The following CNPY1 variants were observed in gnomAD, a reference collection of about 807,000 sequenced individuals.
CNPY1 encodes protein canopy homolog 1.
In CNPY1, 14 loss-of-function variants were observed where a neutral mutation model predicts 14.4. The observed-to-expected ratio is 0.97, with a 90% CI of 0.64 to 1.52. CNPY1 has a LOEUF of 1.52. Ranked by LOEUF, CNPY1 falls within the 40% of genes most tolerant of loss-of-function variation. CNPY1 has a pLI of 0.00. For missense variants in CNPY1, 129 were observed against 131.5 expected, an observed-to-expected ratio of 0.98 and a Z score of 0.09; for synonymous variants, 43 against 46.5, an observed-to-expected ratio of 0.92 and a Z score of 0.31.
At chr7:155,504,929 T>C (rs552833371) in intron 4 of CNPY1, among the ~76,000 whole-genome samples, 1 of 152,350 alleles carries the variant, frequency 6.6e-6, no homozygotes, top group African/African-American at 2.4e-5. Context: ...ACCCTTCAGT[T>C]GTCTGAAACC....
In CNPY1 at chr7:155,501,733, C is replaced by T. The variant is rs1266239610; in HGVS notation, c.*1335G>A. The T allele has an allele frequency of 6.6e-6, 1 of 152,080 alleles. No individual in the cohort carries two copies. The highest frequency in any genetic ancestry group is 2.4e-5 in the African/African-American group (1 of 41,386). 9.4% of individuals were successfully genotyped at this position (152,080 alleles called of 1,614,324 possible). Reference sequence around the variant, plus strand: ...TCGTGTGTCAGCTCGGGTGCGAGTTCGCTGGGTTATGTAGGAGCCATCAGA... The same window carrying T: ...TCGTGTGTCAGCTCGGGTGCGAGTTTGCTGGGTTATGTAGGAGCCATCAGA... On this transcript the variant is annotated 3_prime_UTR_variant, in exon 5 of 5. Coordinates refer to ENST00000636446, the MANE Select transcript of CNPY1 (RefSeq NM_001393663.1).
chr7:155,543,603 G>A (rs969161922), intron 2 of CNPY1, among the ~76,000 whole-genome samples: 2 of 152,220 alleles, frequency 1.3e-5, no homozygotes, highest in South Asian at 2.1e-4. Flanking sequence ...GTGCTGGGAC[G>A]TGAGGGGGTC....
In CNPY1 at chr7:155,506,496, T is replaced by C. The variant is rs553115714; in HGVS notation, c.400+524A>G. On this transcript the variant is annotated intron_variant, in intron 4 of 4. Coordinates refer to ENST00000636446, the MANE Select transcript of CNPY1 (RefSeq NM_001393663.1). ...TTCCACCCTCTGAGCCAGAAAAAAA[T>C]TTTTTTTAAGAAGTAGATACAGGAA... is the stretch of plus-strand genomic sequence containing the variant. 3.9e-5 allele frequency: 6 copies of C among 153,680 alleles called. No homozygotes were observed. In the East Asian group the frequency reaches 1.2e-3, roughly 30 times the overall value. 9.5% of individuals were successfully genotyped at this position (153,680 alleles called of 1,614,324 possible). A position where few individuals can be genotyped will look rare whatever the true frequency, so the allele number is the denominator to read the frequency against.
At position 155,507,471 on chromosome 7, in the gene CNPY1, T is replaced by TAAAAAAAAAAAAAAAAAAAAAA. The variant is rs35711313; in HGVS notation, c.304-377_304-356dup. On this transcript the variant is annotated intron_variant, in intron 3 of 4. Transcript: ENST00000636446. ...CTGAAAAGTCCAACGGTTTTTAAAC[T>TAAAAAAAAAAAAAAAAAAAAAA]AAAAAAAAAAAAAAAAAAAAAAAAA... is the stretch of plus-strand genomic sequence containing the variant. 4.2e-4 allele frequency among the ~76,000 whole-genome samples: 23 copies of TAAAAAAAAAAAAAAAAAAAAAA among 54,142 alleles called. 2 individuals carry two copies. Among genetic ancestry groups the TAAAAAAAAAAAAAAAAAAAAAA allele is most frequent in the African/African-American group, 2.1e-3 (21 of 10,108 alleles). The allele number at this position is 54,142 out of a possible 152,430, so 35.5% of individuals were successfully genotyped here.
chr7:155,508,688 C>CCCTT (rs2116681448), intron 3 of CNPY1, among the ~76,000 whole-genome samples: 1 of 152,328 alleles, frequency 6.6e-6, no homozygotes, highest in Non-Finnish European at 1.5e-5. Flanking sequence ...TTGCCACAAC[C>CCCTT]CCTTAGGTGT....
At chr7:155,518,013 C>T (rs542242424) in intron 2 of CNPY1, among the ~76,000 whole-genome samples, 65 of 152,260 alleles carry the variant, frequency 4.3e-4, no homozygotes, top group African/African-American at 1.4e-3. Context: ...GGAGGGACAC[C>T]GTCCTGCATA....
intron 2 of CNPY1, among the ~76,000 whole-genome samples, chr7:155,535,069 T>C (rs954183011): frequency 6.6e-6 from 1 of 152,186 alleles, no homozygotes; most frequent in African/African-American, 2.4e-5. Context: ...GGCAGCTGGA[T>C]GCACAGCACA....
At position 155,502,697 on chromosome 7, in the gene CNPY1, G is replaced by A. The variant is rs556816340; in HGVS notation, c.*371C>T. The A allele has an allele frequency of 7.5e-5, 14 of 187,774 alleles. No individual in the cohort carries two copies. Among genetic ancestry groups the A allele is most frequent in the South Asian group, 5.3e-4 (3 of 5,678 alleles). The allele number at this position is 187,774 out of a possible 1,614,324, so 11.6% of individuals were successfully genotyped here. On this transcript the variant is annotated 3_prime_UTR_variant, in exon 5 of 5. Transcript: ENST00000636446. ...CCAGTTCTTATCAGACAGCCACTGCGCTTGCATATGTGCACATACACTGTT... is the reference window on the plus strand; with the variant it reads ...CCAGTTCTTATCAGACAGCCACTGCACTTGCATATGTGCACATACACTGTT...
At chr7:155,538,228 A>G (rs566828045) in intron 2 of CNPY1, among the ~76,000 whole-genome samples, 25 of 152,304 alleles carry the variant, frequency 1.6e-4, no homozygotes, top group Middle Eastern at 6.8e-3. Flanking sequence ...AGCCCTTGCA[A>G]AACAATTTAG....
At position 155,515,306 on chromosome 7, in the gene CNPY1, C is replaced by A. The variant is rs776026720; in HGVS notation, c.100-6209G>T. Among the ~76,000 whole-genome samples, 402 of 144,928 alleles carry A rather than the reference C, an allele frequency of 2.8e-3. 7 individuals are homozygous for A. Among genetic ancestry groups the A allele is most frequent in the African/African-American group, 9.3e-3 (361 of 38,882 alleles). On this transcript the variant is annotated intron_variant, in intron 2 of 4. Coordinates refer to ENST00000636446, the MANE Select transcript of CNPY1 (RefSeq NM_001393663.1). ...TGGTCTCAAGGCCGCCCCCCCCCCC[C>A]CCGGCCCCGGCCAGGAACTCTTTCA...
At chr7:155,519,000 G>A (rs907061733) in intron 2 of CNPY1, among the ~76,000 whole-genome samples, 3 of 152,312 alleles carry the variant, frequency 2.0e-5, no homozygotes, top group Middle Eastern at 3.4e-3. Context: ...TTAACACACC[G>A]CATCTTATCC....
At chr7:155,529,532 G>A (rs117581854) in intron 2 of CNPY1, among the ~76,000 whole-genome samples, 299 of 152,258 alleles carry the variant, frequency 2.0e-3, no homozygotes, top group Non-Finnish European at 2.4e-3. Flanking sequence ...TCATGGTTCC[G>A]GTGGCTGCTG....
rs552776669 is a variant in CNPY1, at chr7:155,525,057, A to G, written c.100-15960T>C. On this transcript the variant is annotated intron_variant, in intron 2 of 4. Transcript: ENST00000636446. The stretch of plus-strand genomic sequence containing the variant: ...ACCCCTAACTCCATGCTATGCTACC[A>G]TCACCTTTCTCTCTCTCTCAGCACT... Among the ~76,000 whole-genome samples the G allele has an allele frequency of 1.1e-3, 174 of 152,258 alleles. 1 individual carries two copies. The highest frequency in any genetic ancestry group is 2.8e-3 in the Admixed American group (43 of 15,296).
chr7:155,533,659 G>A (rs60188203), intron 2 of CNPY1: 2 of 152,342 alleles, frequency 1.3e-5, no homozygotes, highest in East Asian at 1.9e-4. Context: ...CACAGCGCCG[G>A]GCGTTATGAA....
chr7:155,546,437 C>T lies in CNPY1; in HGVS notation c.-23G>A. 2.5e-6 allele frequency: 1 copy of T among 398,208 alleles called. No individual in the cohort carries two copies. The highest frequency in any genetic ancestry group is 6.3e-4 in the Middle Eastern group (1 of 1,588). The allele number at this position is 398,208 out of a possible 1,614,324, so 24.7% of individuals were successfully genotyped here. On this transcript the variant is annotated 5_prime_UTR_variant, in exon 1 of 5. Transcript: ENST00000636446. ...TCAAGCCATCCTCCTACCTTGGCCT[C>T]CTGAATTGCTGGGATTACAAGTATC... is the stretch of plus-strand genomic sequence containing the variant.
chr7:155,521,063 GAAGGAAGGAAGGAAGC>G (rs1796713565), intron 2 of CNPY1, among the ~76,000 whole-genome samples: 2 of 114,568 alleles, frequency 1.7e-5, no homozygotes, highest in South Asian at 2.4e-4. Flanking sequence ...AAGAAGGAAG[GAAGGAAGGAAGGAAGC>G]AAGGAAGGAA....
At chr7:155,508,849 C>G in intron 3 of CNPY1, 45 bp downstream of exon 3, 1 of 1,594,918 alleles carries the variant, frequency 6.3e-7, no homozygotes, top group South Asian at 1.2e-5. Context: ...GTTCCAAAAA[C>G]ACGTTTCTGG....
chr7:155,539,126 G>A (rs1258589077), intron 2 of CNPY1, among the ~76,000 whole-genome samples: 1 of 152,204 alleles, frequency 6.6e-6, no homozygotes, highest in Non-Finnish European at 1.5e-5. Flanking sequence ...TGTCACTGCT[G>A]TAATATGAGG....
chr7:155,537,410 AT>A (rs1238540742), intron 2 of CNPY1, among the ~76,000 whole-genome samples: 3 of 148,958 alleles, frequency 2.0e-5, no homozygotes, highest in Non-Finnish European at 4.5e-5. Flanking sequence ...TTTCTGTGGA[AT>A]TTTTTTTCTT....
Sources: allele counts gnomAD v4.1 joint callset (sites outside exome capture counted in the v4.1 genomes callset), GRCh38; gene constraint gnomAD v4.1.1; transcripts MANE v1.5; gene names NCBI Gene and HGNC (gene_info 2026-07-23, HGNC 2026-07-21).